The following KIAA0586 variants were observed in gnomAD, a reference collection of about 807,000 sequenced individuals.
KIAA0586 encodes the protein protein TALPID3.
In KIAA0586, 144 loss-of-function variants were observed where a neutral mutation model predicts 169.8. The observed-to-expected ratio is 0.85, with a 90% CI of 0.74 to 0.97. The LOEUF is 0.97. KIAA0586 is among the 50% of genes least tolerant of loss of function. The probability of loss-of-function intolerance (pLI) is 0.00; values close to 1 mark genes in which losing one functional copy is unlikely to be tolerated. For missense variants in KIAA0586, 1,854 were observed against 1,823.0 expected (o/e 1.02, Z -0.31); for synonymous variants, 625 against 612.4 (o/e 1.02, Z -0.30).
intron 4 of KIAA0586, among the ~76,000 whole-genome samples, chr14:58,433,784 G>A (rs2037577694): frequency 6.6e-6 from 1 of 152,184 alleles, no homozygotes; most frequent in Non-Finnish European, 1.5e-5. Flanking sequence ...GGGAGTCCAA[G>A]ACAGGAGGAT....
chr14:58,462,153 T>C (rs1328478326), intron 14 of KIAA0586, among the ~76,000 whole-genome samples: 1 of 152,176 alleles, frequency 6.6e-6, no homozygotes, highest in African/African-American at 2.4e-5. Context: ...GAAATTTTAC[T>C]AATTTAAAAT....
At chr14:58,446,079 A>G (rs1043579921) in intron 6 of KIAA0586, among the ~76,000 whole-genome samples, 2 of 151,518 alleles carry the variant, frequency 1.3e-5, no homozygotes, top group East Asian at 4.0e-4. Flanking sequence ...CATGTTGGCC[A>G]GGTTGGTCTC....
chr14:58,431,231 CA>C (rs2037338966), intron 3 of KIAA0586, among the ~76,000 whole-genome samples: 1 of 152,100 alleles, frequency 6.6e-6, no homozygotes, highest in African/African-American at 2.4e-5. Flanking sequence ...TTGTTATTAC[CA>C]ACCTATTGCA....
intron 30 of KIAA0586, among the ~76,000 whole-genome samples, chr14:58,547,360 T>C (rs1478488868): frequency 1.3e-5 from 2 of 152,156 alleles, no homozygotes; most frequent in African/African-American, 4.8e-5. Context: ...TATTTTATCC[T>C]CACTATACTG....
At chr14:58,546,512 T>C (rs2046993334) in intron 30 of KIAA0586, among the ~76,000 whole-genome samples, 1 of 152,220 alleles carries the variant, frequency 6.6e-6, no homozygotes, top group African/African-American at 2.4e-5. Flanking sequence ...GTCTGAAATA[T>C]GTCTTTAAGA....
chr14:58,459,474 T>C (rs2040151829), intron 12 of KIAA0586, among the ~76,000 whole-genome samples: 1 of 152,176 alleles, frequency 6.6e-6, no homozygotes, highest in African/African-American at 2.4e-5. Flanking sequence ...CTCAGTTTTG[T>C]TACAAAAGTG....
Position 58,498,929 on chromosome 14 carries a change from A to G in KIAA0586, c.4137A>G (p.Lys1379=), listed in dbSNP as rs372138430. 20 of 1,608,384 alleles carry G rather than the reference A, an allele frequency of 1.2e-5. No homozygotes were observed. The highest frequency in any genetic ancestry group is 1.7e-5 in the Non-Finnish European group (20 of 1,177,518). ...TQSLDQQCDP[K]PLSRQFDTVS... ...CTTTGGATCAACAATGTGATCCTAA[A>G]CCATTATCTCGGCAATTTGACACAG... Residue 1379 remains lysine, a synonymous_variant, in exon 27 of 31, where the codon AAA becomes AAG. Coordinates refer to ENST00000652326, the MANE Select transcript of KIAA0586 (RefSeq NM_001329943.3).
chr14:58,555,285 G>A (rs1032002215), downstream of KIAA0586, among the ~76,000 whole-genome samples: 2 of 151,758 alleles, frequency 1.3e-5, no homozygotes, highest in African/African-American at 4.8e-5. Flanking sequence ...ATTTTCAGTA[G>A]AGACAGCGTT....
At chr14:58,470,982 G>A (rs1045934618) in intron 17 of KIAA0586, among the ~76,000 whole-genome samples, 15 of 151,994 alleles carry the variant, frequency 9.9e-5, no homozygotes, top group Non-Finnish European at 1.6e-4. Context: ...CTCCTGAGTA[G>A]CTGGGATTAC....
intron 27 of KIAA0586, among the ~76,000 whole-genome samples, chr14:58,501,359 C>T (rs1038527124): frequency 6.6e-6 from 1 of 152,152 alleles, no homozygotes; most frequent in Admixed American, 6.5e-5. Context: ...TGAAATGTGA[C>T]TTACATTTAT....
In KIAA0586 at chr14:58,454,840, A is replaced by T. The variant is rs149477330; in HGVS notation, c.1253+1367A>T. On this transcript the variant is annotated intron_variant, in intron 9 of 30. Coordinates refer to ENST00000652326, the MANE Select transcript of KIAA0586 (RefSeq NM_001329943.3). ...ACACACCCCTGGTGTCCCCTCCTTC[A>T]CTTTTGAACAATAATTTTGCTACAT... Among the ~76,000 whole-genome samples the T allele has an allele frequency of 1.9e-4, 29 of 151,736 alleles. 1 individual carries two copies. The East Asian group carries it at 5.4e-3, about 28-fold the overall frequency.
chr14:58,519,783 G>C (rs1324440527), intron 29 of KIAA0586, among the ~76,000 whole-genome samples: 3 of 152,152 alleles, frequency 2.0e-5, no homozygotes, highest in African/African-American at 4.8e-5. Flanking sequence ...AATGTTCATG[G>C]AATTGAATTT....
chr14:58,486,492 A>C (rs1475895932), intron 21 of KIAA0586, among the ~76,000 whole-genome samples: 3 of 152,258 alleles, frequency 2.0e-5, no homozygotes, highest in South Asian at 2.1e-4. Context: ...ACATACAAGC[A>C]GTCAACAAAC....
At chr14:58,459,038 C>T (rs1390870526) in intron 12 of KIAA0586, among the ~76,000 whole-genome samples, 1 of 152,054 alleles carries the variant, frequency 6.6e-6, no homozygotes, top group Non-Finnish European at 1.5e-5. Flanking sequence ...TGGGAGTTAT[C>T]TTTCTTAGAG....
chr14:58,498,233 G>C (rs1227302288), intron 26 of KIAA0586, among the ~76,000 whole-genome samples: 1 of 151,348 alleles, frequency 6.6e-6, no homozygotes, highest in Non-Finnish European at 1.5e-5. Context: ...CTGGAGTACA[G>C]TCGTGCAGTC....
At chr14:58,535,510 A>T (rs558662174) in intron 29 of KIAA0586, among the ~76,000 whole-genome samples, 1 of 152,220 alleles carries the variant, frequency 6.6e-6, no homozygotes, top group Non-Finnish European at 1.5e-5. Flanking sequence ...TGAATTAACT[A>T]TCAACTTCTT....
intron 28 of KIAA0586, among the ~76,000 whole-genome samples, chr14:58,509,086 C>T (rs1238249288): frequency 6.6e-6 from 1 of 151,882 alleles, no homozygotes; most frequent in Non-Finnish European, 1.5e-5. Flanking sequence ...AAAATTAGCT[C>T]GGCTCCTGTA....
In KIAA0586 at chr14:58,442,828, C is replaced by T. The variant is rs752386753; in HGVS notation, c.533C>T (p.Thr178Ile). 1.9e-6 allele frequency: 3 copies of T among 1,610,540 alleles called. No individual in the cohort carries two copies. In the South Asian group the frequency reaches 3.3e-5, roughly 18 times the overall value. ...CCCAGTGGAATTGATTCAGCTACAACCGTGGCTGCAGCAACTGCTGCTGCC... is the reference window on the plus strand; with the variant it reads ...CCCAGTGGAATTGATTCAGCTACAATCGTGGCTGCAGCAACTGCTGCTGCC... Reference protein sequence around the residue: ...ISPSGIDSATTVAAATAAAIA... With the variant: ...ISPSGIDSATIVAAATAAAIA... The change falls in exon 5 of 31, where the codon ACC (threonine) becomes ATC (isoleucine). Residue 178 changes from threonine (T) to isoleucine (I), a missense_variant. Coordinates refer to ENST00000652326, the MANE Select transcript of KIAA0586 (RefSeq NM_001329943.3).
At chr14:58,515,275 G>A (rs975069881) in intron 29 of KIAA0586, among the ~76,000 whole-genome samples, 1 of 151,816 alleles carries the variant, frequency 6.6e-6, no homozygotes, top group Non-Finnish European at 1.5e-5. Context: ...AAAAGTAATA[G>A]GTGTAATTGC....
Sources: allele counts gnomAD v4.1 joint callset (sites outside exome capture counted in the v4.1 genomes callset), GRCh38; gene constraint gnomAD v4.1.1; transcripts MANE v1.5; gene names NCBI Gene and HGNC (gene_info 2026-07-23, HGNC 2026-07-21).